NRCAM: variants seen among roughly 807,000 people sequenced by gnomAD.
NRCAM encodes neuronal cell adhesion molecule, also known as NgCAM-related cell adhesion molecule.
Under a neutral mutation model 156.5 loss-of-function variants are expected in NRCAM, and 83 were observed. The ratio of observed to expected loss-of-function variants is 0.53; its 90% confidence interval spans 0.44 to 0.64. The LOEUF (loss-of-function observed/expected upper bound fraction) is 0.64, where lower values mean the gene tolerates loss of function less well. Ranked by LOEUF, NRCAM falls within the 30% of genes least tolerant of loss-of-function variation. The pLI is 0.00. For missense variants in NRCAM, 1,417 were observed against 1,597.3 expected, an observed-to-expected ratio of 0.89 and a Z score of 1.92; for synonymous variants, 538 against 563.9, an observed-to-expected ratio of 0.95 and a Z score of 0.65.
intron 11 of NRCAM, among the ~76,000 whole-genome samples, chr7:108,220,704 G>A (rs1489749595): frequency 6.6e-6 from 1 of 152,090 alleles, no homozygotes; most frequent in Non-Finnish European, 1.5e-5. Context: ...AACTCAAGAT[G>A]AATTAAGAAC....
At chr7:108,253,418 T>C (rs1406833733) in intron 3 of NRCAM, among the ~76,000 whole-genome samples, 2 of 152,050 alleles carry the variant, frequency 1.3e-5, no homozygotes, top group Non-Finnish European at 2.9e-5. Flanking sequence ...AGAGTAACAG[T>C]AATACTCCAG....
At chr7:108,234,793 T>C (rs769333976) in intron 5 of NRCAM, 105 bp from the exon 6 acceptor site, 1 of 834,240 alleles carries the variant, frequency 1.2e-6, no homozygotes, top group Non-Finnish European at 2.1e-6. Context: ...TAAATATGCT[T>C]CAAGTATTTT....
At chr7:108,430,146 T>C (rs1038864225) in intron 1 of NRCAM, among the ~76,000 whole-genome samples, 1 of 152,168 alleles carries the variant, frequency 6.6e-6, no homozygotes. Context: ...CAGTAGTATG[T>C]TGCGGGTTTG....
chr7:108,160,648 T>C lies in NRCAM; in HGVS notation c.3467-156A>G, dbSNP rs534606119. ...TCTGTCAATTATTAATCAGGAATTA[T>C]ATGAATAATTAACTTTGAAAAATCT... On this transcript the variant is annotated intron_variant, in intron 30 of 32. Coordinates refer to ENST00000379028, the MANE Select transcript of NRCAM (RefSeq NM_001037132.4). Among the ~76,000 whole-genome samples, 5 of 152,336 alleles carry C rather than the reference T, an allele frequency of 3.3e-5. No individual in the cohort carries two copies. In the South Asian group the frequency reaches 6.2e-4, roughly 19 times the overall value.
intron 20 of NRCAM, among the ~76,000 whole-genome samples, chr7:108,187,933 C>A (rs544016823): frequency 2.1e-4 from 31 of 151,072 alleles, no homozygotes; most frequent in Non-Finnish European, 2.9e-4. Context: ...CCAGCCTGGG[C>A]AACAAAGCGA....
At chr7:108,411,336 C>A (rs1322208189) in intron 1 of NRCAM, among the ~76,000 whole-genome samples, 1 of 151,970 alleles carries the variant, frequency 6.6e-6, no homozygotes, top group African/African-American at 2.4e-5. Context: ...TGCATGAATA[C>A]TTGCAGGAGC....
intron 2 of NRCAM, among the ~76,000 whole-genome samples, chr7:108,340,050 C>CT (rs1228074495): frequency 6.9e-6 from 1 of 145,902 alleles, no homozygotes; most frequent in Non-Finnish European, 1.5e-5. Flanking sequence ...TATGTACAAA[C>CT]TTTCTTTTCA....
intron 2 of NRCAM, among the ~76,000 whole-genome samples, chr7:108,379,016 T>C (rs1167300209): frequency 1.3e-5 from 2 of 152,142 alleles, no homozygotes; most frequent in Non-Finnish European, 2.9e-5. Flanking sequence ...GTTTCCAGAC[T>C]GGTAGTGCTT....
At chr7:108,384,633 T>G (rs1384720458) in intron 2 of NRCAM, among the ~76,000 whole-genome samples, 1 of 152,202 alleles carries the variant, frequency 6.6e-6, no homozygotes, top group Non-Finnish European at 1.5e-5. Flanking sequence ...TACAGCGCTT[T>G]TCTCACTGTA....
rs150338330 is a variant in NRCAM at position 108,250,114 on chromosome 7, C to T, written c.-106-9944G>A. Among the ~76,000 whole-genome samples the T allele has an allele frequency of 9.6e-3, 1,459 of 152,202 alleles. 23 individuals are homozygous for T. The highest frequency in any genetic ancestry group is 0.033 in the African/African-American group (1,360 of 41,498). On this transcript the variant is annotated intron_variant, in intron 3 of 32. Transcript: ENST00000379028. ...TGTAGTACTTATATATAATGGAGTA[C>T]TATTTAGCCATAAAAGTGAATGAGG...
In NRCAM at chr7:108,223,048, TG is replaced by T. The variant is rs149617487; in HGVS notation, c.890+676del. 4.8e-3 allele frequency among the ~76,000 whole-genome samples: 730 copies of T among 152,198 alleles called. 10 individuals carry two copies. Among genetic ancestry groups the T allele is most frequent in the African/African-American group, 0.017 (704 of 41,516 alleles). On this transcript the variant is annotated intron_variant, in intron 11 of 32. Transcript: ENST00000379028. The stretch of plus-strand genomic sequence containing the variant: ...TTGTGACCTGCCAATAGGAAGTAGG[TG>T]AAGGGACAGTGTGCTAGTTCTGAGG...
intron 2 of NRCAM, among the ~76,000 whole-genome samples, chr7:108,322,029 A>T (rs1435987680): frequency 6.6e-6 from 1 of 152,238 alleles, no homozygotes; most frequent in Non-Finnish European, 1.5e-5. Context: ...TTAAAAAATT[A>T]GAATTATAAC....
rs571933392 is a variant in NRCAM at position 108,221,070 on chromosome 7, C to T, written c.890+2655G>A. 4.2e-4 allele frequency among the ~76,000 whole-genome samples: 64 copies of T among 152,212 alleles called. 1 individual carries two copies. Among genetic ancestry groups the T allele is most frequent in the South Asian group, 4.1e-4 (2 of 4,820 alleles). ...AATAGACAGTTTTCAAAAGAAGATACACAAATGGCCAACAAACATGAAAAA... is the reference window on the plus strand; with the variant it reads ...AATAGACAGTTTTCAAAAGAAGATATACAAATGGCCAACAAACATGAAAAA... On this transcript the variant is annotated intron_variant, in intron 11 of 32. Coordinates refer to ENST00000379028, the MANE Select transcript of NRCAM (RefSeq NM_001037132.4).
intron 4 of NRCAM, among the ~76,000 whole-genome samples, chr7:108,238,815 T>C (rs2095326083): frequency 6.6e-6 from 1 of 152,080 alleles, no homozygotes; most frequent in African/African-American, 2.4e-5. Flanking sequence ...AGAAAAGCAC[T>C]GCATTTTATT....
rs758087172 is a variant in NRCAM, at chr7:108,184,295, G to A, written c.2250C>T (p.Pro750=). 1.8e-5 allele frequency: 29 copies of A among 1,614,050 alleles called. No homozygotes were observed. The highest frequency in any genetic ancestry group is 2.4e-5 in the Non-Finnish European group (28 of 1,180,000). ...LTKASEPDKN[P]TAVEGLGSEP... The stretch of plus-strand genomic sequence containing the variant: ...CTGATCCCAGTCCTTCCACAGCTGT[G>A]GGGTTTTTATCTGGTTCTGGAAGTT... The change falls in exon 22 of 33, where the codon CCC becomes CCT. Residue 750 remains proline (P), a synonymous_variant. Coordinates refer to ENST00000379028, the MANE Select transcript of NRCAM (RefSeq NM_001037132.4).
At chr7:108,325,657 T>A (rs2099060585) in intron 2 of NRCAM, among the ~76,000 whole-genome samples, 1 of 152,140 alleles carries the variant, frequency 6.6e-6, no homozygotes, top group Non-Finnish European at 1.5e-5. Context: ...ACTTACTACA[T>A]GTCTTATTGA....
At chr7:108,204,867 T>A (rs1419825070) in intron 13 of NRCAM, among the ~76,000 whole-genome samples, 1 of 152,232 alleles carries the variant, frequency 6.6e-6, no homozygotes, top group Non-Finnish European at 1.5e-5. Context: ...AATTTAGGGT[T>A]ACAAGAGGAA....
At chr7:108,258,547 T>A (rs762391790) in intron 3 of NRCAM, among the ~76,000 whole-genome samples, 10 of 152,144 alleles carry the variant, frequency 6.6e-5, no homozygotes, top group Non-Finnish European at 1.0e-4. Context: ...GGGAAAATGA[T>A]AAAGTAAAAA....
At chr7:108,249,576 G>A (rs771113770) in intron 3 of NRCAM, among the ~76,000 whole-genome samples, 2 of 152,148 alleles carry the variant, frequency 1.3e-5, no homozygotes, top group Non-Finnish European at 2.9e-5. Context: ...TTACTCCAAA[G>A]AGCATCCCTC....
Sources: allele counts gnomAD v4.1 joint callset (sites outside exome capture counted in the v4.1 genomes callset), GRCh38; gene constraint gnomAD v4.1.1; transcripts MANE v1.5; gene names NCBI Gene and HGNC (gene_info 2026-07-23, HGNC 2026-07-21).